The following DYNC2H1 variants were observed in gnomAD, a reference collection of about 807,000 sequenced individuals.
The protein encoded by DYNC2H1 is dynein cytoplasmic 2 heavy chain 1.
In DYNC2H1, 410 loss-of-function variants were observed where a neutral mutation model predicts 570.0. The ratio of observed to expected loss-of-function variants is 0.72; its 90% confidence interval spans 0.66 to 0.78. The LOEUF (loss-of-function observed/expected upper bound fraction) is 0.78, where lower values mean the gene tolerates loss of function less well. Among genes scored for constraint, DYNC2H1 ranks in the 30% least tolerant of loss-of-function variants. The probability of loss-of-function intolerance (pLI) is 0.00; values close to 1 mark genes in which losing one functional copy is unlikely to be tolerated. For missense variants in DYNC2H1, 4,865 were observed against 5,046.4 expected (o/e 0.96, Z 1.09); for synonymous variants, 1,688 against 1,677.6 (o/e 1.01, Z -0.15).
intron 84 of DYNC2H1, among the ~76,000 whole-genome samples, chr11:103,414,200 A>G (rs988555575): frequency 3.3e-5 from 5 of 152,234 alleles, no homozygotes; most frequent in Non-Finnish European, 7.3e-5. Context: ...AATTACAAGT[A>G]TCAGGAATTA....
At position 103,163,113 on chromosome 11, in the gene DYNC2H1, A is replaced by G. The variant is rs1861164374; in HGVS notation, c.4577A>G (p.Gln1526Arg). The part of the protein sequence containing the change: ...KECVTTGRSS[Q>R]GAVDPSLFPS... ...TGTGTTACTACTGGGCGAAGTTCTC[A>G]AGGTGCAGTTGACCCATCTCTGTTC... The change falls in exon 30 of 89, where the codon CAA becomes CGA. Residue 1526 changes from glutamine to arginine, a missense_variant. Physicochemically the swap from Gln to Arg is conservative, Grantham distance 43 (BLOSUM62 1). Transcript: ENST00000375735. The surrounding 1 kb of genome is among the most constrained non-coding windows in gnomAD (Gnocchi z 4.6). 1 of 1,612,876 alleles carries G rather than the reference A, an allele frequency of 6.2e-7. No individual in the cohort carries two copies. Among genetic ancestry groups the G allele is most frequent in the South Asian group, 1.1e-5 (1 of 90,990 alleles).
At chr11:103,385,684 TA>T (rs991624535) in intron 83 of DYNC2H1, among the ~76,000 whole-genome samples, 8 of 152,220 alleles carry the variant, frequency 5.3e-5, no homozygotes, top group Non-Finnish European at 7.3e-5. Context: ...AATAAAGCTC[TA>T]AAACTTGGAA....
rs1398822056 is a variant in DYNC2H1, at chr11:103,249,232, A to G, written c.10042+3858A>G. Among the ~76,000 whole-genome samples the G allele has an allele frequency of 3.3e-5, 5 of 152,026 alleles. No homozygotes were observed. Among genetic ancestry groups the G allele is most frequent in the Admixed American group, 2.0e-4 (3 of 15,230 alleles). ...AAATATTTATTTTAAAATATTTTCA[A>G]AAATGTTTTATCAAAGTAGTACATG... On this transcript the variant is annotated intron_variant, in intron 65 of 88. Transcript: ENST00000375735. The surrounding 1 kb of genome is among the most constrained non-coding windows in gnomAD (Gnocchi z 4.6).
chr11:103,288,686 A>AAAAAAAAAAAAAGAAAAAG (rs1866453697), intron 75 of DYNC2H1, among the ~76,000 whole-genome samples: 1 of 135,790 alleles, frequency 7.4e-6, no homozygotes, highest in Non-Finnish European at 1.6e-5. Context: ...GTCTCTACTA[A>AAAAAAAAAAAAAGAAAAAG]AAAAAAAAAA....
intron 35 of DYNC2H1, among the ~76,000 whole-genome samples, chr11:103,173,766 T>A (rs1001804272): frequency 5.9e-5 from 9 of 152,106 alleles, no homozygotes; most frequent in Non-Finnish European, 1.2e-4. Context: ...GAGAGCAAGA[T>A]GGATTGATTA....
At chr11:103,229,195 T>A (rs1415154052) in intron 59 of DYNC2H1, among the ~76,000 whole-genome samples, 3 of 152,196 alleles carry the variant, frequency 2.0e-5, no homozygotes, top group African/African-American at 7.2e-5. Context: ...CTTAAGTTTT[T>A]TGGTATCTCA....
At chr11:103,269,695 A>G (rs1865629185) in intron 70 of DYNC2H1, among the ~76,000 whole-genome samples, 1 of 152,190 alleles carries the variant, frequency 6.6e-6, no homozygotes, top group African/African-American at 2.4e-5. Flanking sequence ...CAAGAGATCA[A>G]AAGTTTTTAT....
chr11:103,418,970 C>T (rs1183948190), intron 84 of DYNC2H1, among the ~76,000 whole-genome samples: 1 of 152,166 alleles, frequency 6.6e-6, no homozygotes, highest in Non-Finnish European at 1.5e-5. Context: ...CTGTGCTACC[C>T]AGCAAGGAAA....
At chr11:103,223,925 T>G (rs1863699158) in intron 59 of DYNC2H1, among the ~76,000 whole-genome samples, 1 of 151,758 alleles carries the variant, frequency 6.6e-6, no homozygotes, top group Non-Finnish European at 1.5e-5. Flanking sequence ...TTTTCTGTAT[T>G]TTAGTAGAGA....
chr11:103,124,673 C>G (rs1038698759), intron 11 of DYNC2H1, among the ~76,000 whole-genome samples: 3 of 152,020 alleles, frequency 2.0e-5, no homozygotes, highest in African/African-American at 7.2e-5. Flanking sequence ...TTTAATATCT[C>G]TACTCCTACC....
Position 103,303,136 on chromosome 11 carries a change from A to G in DYNC2H1, c.11139A>G (p.Leu3713=), listed in dbSNP as rs778092263. ...VSPLPLNLKR[L]YKETLEIEPI... ...CACTGCCTCTAAATCTCAAACGTTT[A>G]TACAAAGAGACACTGGAAATTGAAC... The change falls in exon 76 of 89, where the codon TTA becomes TTG. Residue 3713 remains leucine (L), a synonymous_variant. Coordinates refer to ENST00000375735, the MANE Select transcript of DYNC2H1 (RefSeq NM_001377.3). 3.7e-6 allele frequency: 6 copies of G among 1,609,990 alleles called. No homozygotes were observed. Among genetic ancestry groups the G allele is most frequent in the South Asian group, 1.1e-5 (1 of 90,478 alleles).
intron 18 of DYNC2H1, among the ~76,000 whole-genome samples, chr11:103,143,971 A>G (rs2134833301): frequency 6.6e-6 from 1 of 152,348 alleles, no homozygotes; most frequent in African/African-American, 2.4e-5. Context: ...CTAAAGGATA[A>G]TATCACTTTT....
chr11:103,380,666 T>C (rs1941606863), intron 83 of DYNC2H1, among the ~76,000 whole-genome samples: 1 of 152,108 alleles, frequency 6.6e-6, no homozygotes, highest in Non-Finnish European at 1.5e-5. Flanking sequence ...GCTCAAGCAA[T>C]CTTTCCAACC....
Position 103,219,902 on chromosome 11 carries a change from A to C in DYNC2H1, c.8833-13A>C, listed in dbSNP as rs1475997165. 1 of 1,451,018 alleles carries C rather than the reference A, an allele frequency of 6.9e-7. No homozygotes were observed. Among genetic ancestry groups the C allele is most frequent in the Admixed American group, 2.5e-5 (1 of 40,048 alleles). 89.9% of individuals were successfully genotyped at this position (1,451,018 alleles called of 1,614,324 possible). Reference sequence around the variant, plus strand: ...TTAAAATTGATTGGAATGCCACTTAAATATTCTTATAGGATGCTAGTGAGC... The same window carrying C: ...TTAAAATTGATTGGAATGCCACTTACATATTCTTATAGGATGCTAGTGAGC... On this transcript the variant is annotated splice_polypyrimidine_tract_variant and intron_variant, in intron 55 of 88. Coordinates refer to ENST00000375735, the MANE Select transcript of DYNC2H1 (RefSeq NM_001377.3).
Position 103,200,098 on chromosome 11 carries a change from A to G in DYNC2H1, c.8141A>G (p.Asp2714Gly). 3 of 1,592,080 alleles carry G rather than the reference A, an allele frequency of 1.9e-6. No individual in the cohort carries two copies. The highest frequency in any genetic ancestry group is 1.7e-6 in the Non-Finnish European group (2 of 1,168,074). The change falls in exon 50 of 89, where the codon GAT (aspartate) becomes GGT (glycine). Residue 2714 changes from aspartate to glycine, a missense_variant. By Grantham distance (94) the Asp-to-Gly change is moderately conservative (BLOSUM62 -1). Around this residue, in one of 5 missense-constraint regions of DYNC2H1, gnomAD observed 2,401 missense variants for 2,454.6 expected, o/e 0.98. Transcript: ENST00000375735. ...CAACAGGTAGTTTTACTTCTTGAGG[A>G]TTACCAGTTTGTACATCCTACATTT... ...EAQQVVLLLEDYQFVHPTFLE... is the reference protein window; with the variant it reads ...EAQQVVLLLEGYQFVHPTFLE...
rs755162996 is a variant in DYNC2H1, at chr11:103,399,562, T to C, written c.12157-101T>C. On this transcript the variant is annotated intron_variant, in intron 83 of 88. Coordinates refer to ENST00000375735, the MANE Select transcript of DYNC2H1 (RefSeq NM_001377.3). ...AATAAAAGCATTTCAAAATAGTTTT[T>C]AAAACAGAATAGAACAAAAGGTTTA... is the stretch of plus-strand genomic sequence containing the variant. The C allele has an allele frequency of 6.3e-4, 512 of 815,948 alleles. 1 individual carries two copies. Among genetic ancestry groups the C allele is most frequent in the Middle Eastern group, 2.1e-3 (8 of 3,754 alleles). 50.5% of individuals were successfully genotyped at this position (815,948 alleles called of 1,614,324 possible).
intron 83 of DYNC2H1, among the ~76,000 whole-genome samples, chr11:103,378,547 G>C (rs1333170070): frequency 1.3e-5 from 2 of 152,020 alleles, no homozygotes; most frequent in African/African-American, 4.8e-5. Context: ...AATTTCAGGA[G>C]GTTAAAATCA....
Position 103,143,314 on chromosome 11 carries a change from A to G in DYNC2H1, c.2621A>G (p.Lys874Arg). 4 of 1,613,644 alleles carry G rather than the reference A, an allele frequency of 2.5e-6. No homozygotes were observed. In the South Asian group the frequency reaches 4.4e-5, roughly 18 times the overall value. ...GQVDMEALVEKHLFTVHDWEK... is the reference protein window; with the variant it reads ...GQVDMEALVERHLFTVHDWEK... ...GTTGATATGGAAGCTCTGGTGGAAA[A>G]GCATCTTTTTACTGTACATGATTGG... The change falls in exon 18 of 89, where the codon AAG becomes AGG. Residue 874 changes from lysine to arginine, a missense_variant. Physicochemically the swap from Lys to Arg is conservative, Grantham distance 26 (BLOSUM62 2). This residue lies in a region of DYNC2H1 where 1,936 missense variants were observed against 1,962.1 expected (regional missense o/e 0.99). Coordinates refer to ENST00000375735, the MANE Select transcript of DYNC2H1 (RefSeq NM_001377.3).
At position 103,125,120 on chromosome 11, in the gene DYNC2H1, T is replaced by C; in HGVS notation, c.1682T>C (p.Ile561Thr). ...TATAGTATTGAGGCTAGTAGTCGAA[T>C]TATGGAATTGGATTCTAATGATGGA... The part of the protein sequence containing the change: ...SGLCIEASSR[I>T]MELDSNDGLL... The change falls in exon 12 of 89, where the codon ATT (isoleucine) becomes ACT (threonine). Residue 561 changes from isoleucine to threonine, a missense_variant. By Grantham distance (89) the Ile-to-Thr change is moderately conservative. Coordinates refer to ENST00000375735, the MANE Select transcript of DYNC2H1 (RefSeq NM_001377.3). The C allele has an allele frequency of 6.2e-7, 1 of 1,613,034 alleles. No individual in the cohort carries two copies. Among genetic ancestry groups the C allele is most frequent in the Non-Finnish European group, 8.5e-7 (1 of 1,179,418 alleles).
Sources: allele counts gnomAD v4.1 joint callset (sites outside exome capture counted in the v4.1 genomes callset), GRCh38; gene constraint gnomAD v4.1.1; regional missense constraint gnomAD v4.1.1; non-coding constraint Gnocchi (gnomAD v3.1); transcripts MANE v1.5; gene names NCBI Gene and HGNC (gene_info 2026-07-23, HGNC 2026-07-21).